RORA: variants seen among roughly 807,000 people sequenced by gnomAD.
RORA encodes the protein RAR related orphan receptor A, also known as nuclear receptor ROR-alpha.
Under a neutral mutation model 69.5 loss-of-function variants are expected in RORA, and 7 were observed. That is an observed-to-expected ratio of 0.10 (90% CI 0.06 to 0.19). RORA has a LOEUF of 0.19. RORA is among the 10% of genes least tolerant of loss of function. RORA has a pLI of 1.00. For missense variants in RORA, 457 were observed against 663.0 expected, an observed-to-expected ratio of 0.69 and a Z score of 3.41; for synonymous variants, 261 against 240.8, an observed-to-expected ratio of 1.08 and a Z score of -0.78.
At chr15:61,052,685 C>T (rs1163394237) in intron 1 of RORA, among the ~76,000 whole-genome samples, 1 of 152,192 alleles carries the variant, frequency 6.6e-6, no homozygotes, top group Non-Finnish European at 1.5e-5. Flanking sequence ...TTGGTTCCCT[C>T]ACTGACTGTT....
intron 1 of RORA, among the ~76,000 whole-genome samples, chr15:60,711,602 G>C (rs545758374): frequency 6.8e-4 from 103 of 152,230 alleles, no homozygotes; most frequent in Non-Finnish European, 1.2e-3. Context: ...AGGAGGCTAG[G>C]CTGAGGGTCT....
chr15:60,933,382 G>C (rs2140502731), intron 1 of RORA, among the ~76,000 whole-genome samples: 1 of 152,272 alleles, frequency 6.6e-6, no homozygotes, highest in East Asian at 1.9e-4. Flanking sequence ...TGCCCTTGCA[G>C]TGCCCTTTTC....
intron 1 of RORA, among the ~76,000 whole-genome samples, chr15:60,719,024 T>C (rs2071256988): frequency 6.7e-6 from 1 of 149,930 alleles, no homozygotes; most frequent in Non-Finnish European, 1.5e-5. Flanking sequence ...CAATCAGCTT[T>C]GTGTGTGTGT....
intron 1 of RORA, among the ~76,000 whole-genome samples, chr15:60,996,427 T>C (rs1005521438): frequency 1.3e-5 from 2 of 152,172 alleles, no homozygotes; most frequent in African/African-American, 4.8e-5. Flanking sequence ...CAAAACTCAC[T>C]GAACTGAACA....
At chr15:60,672,907 C>T (rs1269728053) in intron 2 of RORA, among the ~76,000 whole-genome samples, 1 of 152,188 alleles carries the variant, frequency 6.6e-6, no homozygotes, top group African/African-American at 2.4e-5. Flanking sequence ...AAGCATATTG[C>T]AAACTTATGT....
At chr15:60,934,466 G>GTTTT (rs141631462) in intron 1 of RORA, among the ~76,000 whole-genome samples, 3 of 91,352 alleles carry the variant, frequency 3.3e-5, no homozygotes, top group African/African-American at 1.1e-4. Flanking sequence ...AGGCCCAAGA[G>GTTTT]TTTGTTGTTG....
At chr15:61,159,658 A>G (rs1323661527) in intron 1 of RORA, among the ~76,000 whole-genome samples, 1 of 152,220 alleles carries the variant, frequency 6.6e-6, no homozygotes, top group East Asian at 1.9e-4. Context: ...TCATACATTT[A>G]GGTGACATAT....
chr15:60,621,848 G>C (rs1254700506), intron 2 of RORA, among the ~76,000 whole-genome samples: 1 of 152,104 alleles, frequency 6.6e-6, no homozygotes, highest in Non-Finnish European at 1.5e-5. Flanking sequence ...AGGAGTTCGA[G>C]ACCAGCCTGG....
chr15:60,996,773 G>A (rs1181320567), intron 1 of RORA, among the ~76,000 whole-genome samples: 5 of 152,092 alleles, frequency 3.3e-5, no homozygotes, highest in African/African-American at 4.8e-5. Context: ...AGCCGGGAGT[G>A]GTGGCAGGCG....
rs945675738 is a variant in RORA, at chr15:60,496,021, A to T, written c.*1434T>A. On this transcript the variant is annotated 3_prime_UTR_variant, in exon 11 of 11. Transcript: ENST00000335670. This position sits in a 1 kb window ranked among gnomAD's most constrained non-coding sequence, Gnocchi z 4.5. Reference sequence around the variant, plus strand: ...AATGTTTGCAGCTAGCATCAACTTCACTTTAAAGGCTTAAAGTATTTAATA... The same window carrying T: ...AATGTTTGCAGCTAGCATCAACTTCTCTTTAAAGGCTTAAAGTATTTAATA... The T allele has an allele frequency of 5.3e-5, 8 of 152,206 alleles. No individual in the cohort carries two copies. Among genetic ancestry groups the T allele is most frequent in the Non-Finnish European group, 1.2e-4 (8 of 68,040 alleles). The allele number at this position is 152,206 out of a possible 1,614,324, so 9.4% of individuals were successfully genotyped here. A position where few individuals can be genotyped will look rare whatever the true frequency, so the allele number is the denominator to read the frequency against.
intron 1 of RORA, among the ~76,000 whole-genome samples, chr15:60,702,512 G>A (rs1402561307): frequency 2.6e-5 from 4 of 152,108 alleles, no homozygotes; most frequent in East Asian, 1.9e-4. Flanking sequence ...GATTACAGGC[G>A]TGAGCCACCG....
At chr15:60,590,773 T>C (rs935772961) in intron 2 of RORA, among the ~76,000 whole-genome samples, 3 of 152,198 alleles carry the variant, frequency 2.0e-5, no homozygotes, top group African/African-American at 7.2e-5. Context: ...TCCCAAATAA[T>C]TTTAAGTGCT....
At chr15:60,898,773 G>A (rs1021251004) in intron 1 of RORA, among the ~76,000 whole-genome samples, 16 of 151,950 alleles carry the variant, frequency 1.1e-4, no homozygotes, top group Non-Finnish European at 1.9e-4. Flanking sequence ...TGGCTTTTTT[G>A]GTTTTTGAGA....
intron 1 of RORA, among the ~76,000 whole-genome samples, chr15:60,900,539 C>T (rs1236117730): frequency 6.6e-6 from 1 of 152,102 alleles, no homozygotes; most frequent in Non-Finnish European, 1.5e-5. Context: ...GTGTTTGGGG[C>T]ATATATCTTA....
intron 2 of RORA, among the ~76,000 whole-genome samples, chr15:60,590,183 C>CTCTCTCTCTT (rs1427341927): frequency 6.6e-6 from 1 of 151,830 alleles, no homozygotes; most frequent in Non-Finnish European, 1.5e-5. Flanking sequence ...CTATCTCTCT[C>CTCTCTCTCTT]TCTCTCTCTC....
chr15:60,720,218 G>A (rs2071274735), intron 1 of RORA, among the ~76,000 whole-genome samples: 1 of 152,136 alleles, frequency 6.6e-6, no homozygotes, highest in Admixed American at 6.5e-5. Flanking sequence ...AAGGTCTCTT[G>A]AGTCCCTTAA....
intron 1 of RORA, among the ~76,000 whole-genome samples, chr15:60,955,623 T>A (rs1893244014): frequency 6.6e-6 from 1 of 152,210 alleles, no homozygotes; most frequent in South Asian, 2.1e-4. Context: ...ATTTATACAG[T>A]GCAAAAGATT....
At chr15:61,162,459 T>A (rs1596037563) in intron 1 of RORA, among the ~76,000 whole-genome samples, 1 of 152,178 alleles carries the variant, frequency 6.6e-6, no homozygotes. Context: ...ATGGAGGAGA[T>A]GCTGCCAGTA....
intron 1 of RORA, among the ~76,000 whole-genome samples, chr15:60,731,461 GAGA>G (rs1452441840): frequency 6.6e-6 from 1 of 152,174 alleles, no homozygotes; most frequent in Admixed American, 6.5e-5. Flanking sequence ...ACACAAAATA[GAGA>G]AGATGTACTG....
Sources: allele counts gnomAD v4.1 joint callset (sites outside exome capture counted in the v4.1 genomes callset), GRCh38; gene constraint gnomAD v4.1.1; non-coding constraint Gnocchi (gnomAD v3.1); transcripts MANE v1.5; gene names NCBI Gene and HGNC (gene_info 2026-07-23, HGNC 2026-07-21).